The following HTRA3 variants were observed in gnomAD, a reference collection of about 807,000 sequenced individuals.
HTRA3 encodes HtrA serine peptidase 3, also known as serine protease HTRA3.
In HTRA3, 41 loss-of-function variants were observed where a neutral mutation model predicts 43.2. The observed-to-expected ratio is 0.95, with a 90% CI of 0.74 to 1.23. HTRA3 has a LOEUF of 1.23. Among genes scored for constraint, HTRA3 ranks in the 50% most tolerant of loss-of-function variants. The probability of loss-of-function intolerance (pLI) is 0.00; values close to 1 mark genes in which losing one functional copy is unlikely to be tolerated. For synonymous variants in HTRA3, 295 were observed against 287.9 expected (o/e 1.02, Z -0.25); for missense variants, 628 against 647.1 (o/e 0.97, Z 0.32).
At chr4:8,291,219 C>T in intron 3 of HTRA3, 151 bp from the exon 4 acceptor site, 1 of 692,326 alleles carries the variant, frequency 1.4e-6, no homozygotes, top group Non-Finnish European at 2.6e-6. Context: ...TTGGTCTGCA[C>T]TGGTGACCTG....
At chr4:8,274,755 G>A (rs974948860) in intron 1 of HTRA3, among the ~76,000 whole-genome samples, 3 of 152,348 alleles carry the variant, frequency 2.0e-5, no homozygotes, top group Non-Finnish European at 4.4e-5. Context: ...CCAGAGCTCT[G>A]AGGCCATGCA....
chr4:8,274,090 G>A (rs4478173), intron 1 of HTRA3, among the ~76,000 whole-genome samples: 106,055 of 152,062 alleles, frequency 0.7, 37,673 homozygotes, highest in Middle Eastern at 0.82. Flanking sequence ...AGGCACCCCA[G>A]CACTTACCTT....
chr4:8,299,615 A>G (rs1042308037), intron 6 of HTRA3, among the ~76,000 whole-genome samples: 3 of 152,146 alleles, frequency 2.0e-5, no homozygotes, highest in African/African-American at 4.8e-5. Context: ...ACAAATTTGC[A>G]TAGATATCCT....
chr4:8,306,181 G>A lies in HTRA3; in HGVS notation c.*45G>A, dbSNP rs368888672. The A allele has an allele frequency of 9.2e-6, 14 of 1,519,580 alleles. No homozygotes were observed. The highest frequency in any genetic ancestry group is 2.2e-4 in the Middle Eastern group (1 of 4,538). 94.1% of individuals were successfully genotyped at this position (1,519,580 alleles called of 1,614,324 possible). On this transcript the variant is annotated 3_prime_UTR_variant, in exon 9 of 9. Transcript: ENST00000307358. The surrounding 1 kb of genome is among the most constrained non-coding windows in gnomAD (Gnocchi z 8.9). ...CCAAGCGTCAGAGCCTGCAGACAACGGAGGGCAGCGCCCCCCCGAGATCAG... is the reference window on the plus strand; with the variant it reads ...CCAAGCGTCAGAGCCTGCAGACAACAGAGGGCAGCGCCCCCCCGAGATCAG...
chr4:8,296,564 G>T lies in HTRA3; in HGVS notation c.1051+2363G>T. 3 of 981,114 alleles carry T rather than the reference G, an allele frequency of 3.1e-6. No homozygotes were observed. Among genetic ancestry groups the T allele is most frequent in the Non-Finnish European group, 3.6e-6 (3 of 826,070 alleles). The allele number at this position is 981,114 out of a possible 1,614,324, so 60.8% of individuals were successfully genotyped here. ...CATTTATTATTCTCGTCTGGAGGTG[G>T]GGTGCAGAGGCCTCTGAGGGGCTTT... On this transcript the variant is annotated intron_variant, in intron 6 of 8. Coordinates refer to ENST00000307358, the MANE Select transcript of HTRA3 (RefSeq NM_053044.5). This position sits in a 1 kb window ranked among gnomAD's most constrained non-coding sequence, Gnocchi z 5.3.
chr4:8,282,464 A>G lies in HTRA3; in HGVS notation c.413A>G (p.Tyr138Cys), dbSNP rs147923258. The change falls in exon 2 of 9, where the codon TAC (tyrosine) becomes TGC (cysteine). Residue 138 changes from tyrosine (Y) to cysteine (C), a missense_variant. Transcript: ENST00000307358. ...CTCCACCAGCTGAGCAGCCCGCGCT[A>G]CAAGTTCAACTTCATTGCTGACGTG... ...LGLHQLSSPRYKFNFIADVVE... is the reference protein window; with the variant it reads ...LGLHQLSSPRCKFNFIADVVE... The G allele has an allele frequency of 2.5e-6, 4 of 1,613,876 alleles. No homozygotes were observed. The highest frequency in any genetic ancestry group is 1.3e-5 in the African/African-American group (1 of 74,924).
At chr4:8,285,901 G>C (rs1229710823) in intron 2 of HTRA3, among the ~76,000 whole-genome samples, 2 of 152,226 alleles carry the variant, frequency 1.3e-5, no homozygotes, top group Non-Finnish European at 2.9e-5. Context: ...GCCTGGGGGT[G>C]AGGGTAGAGG....
chr4:8,275,522 C>A (rs966210795), intron 1 of HTRA3, among the ~76,000 whole-genome samples: 1 of 152,162 alleles, frequency 6.6e-6, no homozygotes, highest in Non-Finnish European at 1.5e-5. Context: ...GAGGAAGAAA[C>A]CACCTTCAGA....
intron 7 of HTRA3, among the ~76,000 whole-genome samples, chr4:8,303,742 TTG>T (rs200014969): frequency 0.03 from 4,616 of 152,318 alleles, 241 homozygotes; most frequent in African/African-American, 0.11. Flanking sequence ...TGACTCAGCA[TTG>T]TCTGTTCATT....
chr4:8,299,903 G>C (rs1483390150), intron 6 of HTRA3, among the ~76,000 whole-genome samples: 1 of 147,916 alleles, frequency 6.8e-6, no homozygotes, highest in African/African-American at 2.5e-5. Flanking sequence ...ACGGTGGTGT[G>C]ATCTTGGCTC....
intron 1 of HTRA3, among the ~76,000 whole-genome samples, chr4:8,274,732 C>T (rs561739652): frequency 6.6e-6 from 1 of 152,312 alleles, no homozygotes; most frequent in Non-Finnish European, 1.5e-5. Flanking sequence ...GAAGGGTTTC[C>T]CTTTGCGCGT....
chr4:8,291,468 G>C lies in HTRA3; in HGVS notation c.807G>C (p.Val269=). Residue 269 remains valine (V), a synonymous_variant, in exon 4 of 9, where the codon GTG becomes GTC. Transcript: ENST00000307358. ...GTCCCTTCGCCCTACAGAACACAGTGACAACGGGCATCGTCAGCACTGCCC... is the reference window on the plus strand; with the variant it reads ...GTCCCTTCGCCCTACAGAACACAGTCACAACGGGCATCGTCAGCACTGCCC... ...IGSPFALQNT[V]TTGIVSTAQR... is the part of the protein sequence containing the mutation. 6.2e-7 allele frequency: 1 copy of C among 1,613,130 alleles called. No individual in the cohort carries two copies. Among genetic ancestry groups the C allele is most frequent in the South Asian group, 1.1e-5 (1 of 91,084 alleles).
chr4:8,273,985 C>T (rs928607195), intron 1 of HTRA3, among the ~76,000 whole-genome samples: 3 of 152,084 alleles, frequency 2.0e-5, no homozygotes, highest in South Asian at 2.1e-4. Flanking sequence ...GGCGCTCTGA[C>T]TTCCCCCTCC....
At chr4:8,294,590 A>G (rs1212013509) in intron 6 of HTRA3, among the ~76,000 whole-genome samples, 3 of 24 alleles carry the variant, frequency 0.12, no homozygotes, top group Non-Finnish European at 0.056. Context: ...CCGTCCATCC[A>G]TCCATCCATC....
intron 6 of HTRA3, among the ~76,000 whole-genome samples, chr4:8,294,422 G>A (rs950101464): frequency 6.6e-6 from 1 of 151,764 alleles, no homozygotes; most frequent in Non-Finnish European, 1.5e-5. Flanking sequence ...ATCGATTCGT[G>A]ATCGGCTTCA....
intron 5 of HTRA3, 114 bp from the exon 6 acceptor site, chr4:8,293,973 G>A (rs1239020439): frequency 7.4e-6 from 5 of 672,320 alleles, no homozygotes; most frequent in South Asian, 1.8e-5. Flanking sequence ...GGGGCTGTAG[G>A]GGGATTGACA....
chr4:8,278,152 G>A (rs1300761631), intron 1 of HTRA3, among the ~76,000 whole-genome samples: 1 of 152,136 alleles, frequency 6.6e-6, no homozygotes, highest in Non-Finnish European at 1.5e-5. Context: ...ACTGTCCAGA[G>A]CCAGCACGTG....
chr4:8,292,409 G>A, intron 5 of HTRA3, 56 bp downstream of exon 5: 3 of 1,472,518 alleles, frequency 2.0e-6, no homozygotes, highest in Middle Eastern at 3.5e-4. Context: ...TCTCACATGG[G>A]GGTGCTCAGC....
Position 8,296,119 on chromosome 4 carries a change from C to A in HTRA3, c.1051+1918C>A. 1 of 1,003,302 alleles carries A rather than the reference C, an allele frequency of 1.0e-6. No homozygotes were observed. Among genetic ancestry groups the A allele is most frequent in the Non-Finnish European group, 1.2e-6 (1 of 842,072 alleles). The allele number at this position is 1,003,302 out of a possible 1,614,324, so 62.1% of individuals were successfully genotyped here. On this transcript the variant is annotated intron_variant, in intron 6 of 8. Transcript: ENST00000307358. The surrounding 1 kb of genome is among the most constrained non-coding windows in gnomAD (Gnocchi z 5.3). ...CTTTGGCCTCCTTACTGGAAATTAG[C>A]GGAGCTGCTGTTTGCACACACTGAG...
Sources: gnomAD v4.1 joint callset for allele counts (sites outside exome capture counted in the v4.1 genomes callset) on GRCh38, gnomAD v4.1.1 for gene constraint, Gnocchi (gnomAD v3.1) non-coding constraint, MANE v1.5 for transcripts, NCBI Gene and HGNC (gene_info 2026-07-23, HGNC 2026-07-21) for gene names.